Variants in PTPRD observed in about 807,000 individuals in gnomAD.
PTPRD encodes receptor-type tyrosine-protein phosphatase delta.
Under a neutral mutation model 214.5 loss-of-function variants are expected in PTPRD, and 34 were observed. The ratio of observed to expected loss-of-function variants is 0.16; its 90% CI spans 0.12 to 0.21. The LOEUF (loss-of-function observed/expected upper bound fraction) is 0.21, where lower values mean the gene tolerates loss of function less well. Ranked by LOEUF, PTPRD falls within the 10% of genes least tolerant of loss-of-function variation. The pLI is 1.00. For missense variants in PTPRD, 2,545 were observed against 2,398.7 expected (o/e 1.06, Z -1.27); for synonymous variants, 1,128 against 845.7 (o/e 1.33, Z -5.79).
intron 10 of PTPRD, among the ~76,000 whole-genome samples, chr9:9,025,021 C>A (rs2099582287): frequency 6.6e-6 from 1 of 151,924 alleles, no homozygotes; most frequent in South Asian, 2.1e-4. Flanking sequence ...CAATTTGAAT[C>A]AATGTTGCAT....
At chr9:10,146,724 C>CT (rs915040088) in intron 3 of PTPRD, among the ~76,000 whole-genome samples, 5 of 151,900 alleles carry the variant, frequency 3.3e-5, no homozygotes, top group African/African-American at 1.2e-4. Context: ...TACTTTGCTC[C>CT]TTTTTTTGTT....
At position 8,810,639 on chromosome 9, in the gene PTPRD, G is replaced by A. The variant is rs149903058; in HGVS notation, c.-103-76693C>T. Among the ~76,000 whole-genome samples the A allele has an allele frequency of 6.5e-4, 99 of 152,302 alleles. 1 individual carries two copies. The highest frequency in any genetic ancestry group is 2.2e-3 in the African/African-American group (93 of 41,554). ...TCATCACGTCTTTAGTGTTTCAAGAGAAGTAGAGATCTGAATTTTTATTTG... is the reference window on the plus strand; with the variant it reads ...TCATCACGTCTTTAGTGTTTCAAGAAAAGTAGAGATCTGAATTTTTATTTG... On this transcript the variant is annotated intron_variant, in intron 11 of 45. Coordinates refer to ENST00000381196, the MANE Select transcript of PTPRD (RefSeq NM_002839.4).
At chr9:10,402,724 A>G (rs1033835408) in intron 2 of PTPRD, among the ~76,000 whole-genome samples, 2 of 151,672 alleles carry the variant, frequency 1.3e-5, no homozygotes, top group African/African-American at 2.4e-5. Flanking sequence ...AATTTTGTCT[A>G]TCTCTGACAG....
chr9:8,591,502 C>G (rs1594748614), intron 14 of PTPRD, among the ~76,000 whole-genome samples: 1 of 151,948 alleles, frequency 6.6e-6, no homozygotes, highest in South Asian at 2.1e-4. Flanking sequence ...ATTTAATTTT[C>G]AAAAGATAAA....
At position 8,821,274 on chromosome 9, in the gene PTPRD, CCT is replaced by C. The variant is rs148046882; in HGVS notation, c.-103-87330_-103-87329del. On this transcript the variant is annotated intron_variant, in intron 11 of 45. Transcript: ENST00000381196. Reference sequence around the variant, plus strand: ...TGGGTTTGGCCCATGTTTACAGCCACCTCTCTCTCTCTCTGTCTCTCTCTCTC... The same window carrying C: ...TGGGTTTGGCCCATGTTTACAGCCACCTCTCTCTCTCTGTCTCTCTCTCTC... 1.2e-4 allele frequency among the ~76,000 whole-genome samples: 18 copies of C among 150,918 alleles called. No individual in the cohort carries two copies. In the East Asian group the frequency reaches 2.5e-3, roughly 21 times the overall value.
intron 9 of PTPRD, among the ~76,000 whole-genome samples, chr9:9,240,720 C>T (rs906277559): frequency 4.6e-5 from 7 of 152,082 alleles, no homozygotes; most frequent in Non-Finnish European, 8.8e-5. Context: ...GGTAGTAATA[C>T]GAATGTTTCA....
intron 7 of PTPRD, among the ~76,000 whole-genome samples, chr9:9,728,249 G>A (rs1210000684): frequency 6.6e-6 from 1 of 152,100 alleles, no homozygotes; most frequent in African/African-American, 2.4e-5. Flanking sequence ...GTCTTTATCT[G>A]CAGAGTGAAA....
chr9:9,519,325 A>G (rs1223695986), intron 8 of PTPRD, among the ~76,000 whole-genome samples: 1 of 148,936 alleles, frequency 6.7e-6, no homozygotes, highest in East Asian at 2.0e-4. Context: ...TATACAAAGT[A>G]GAAGAAAGAC....
At chr9:10,461,011 C>G (rs1264974477) in intron 2 of PTPRD, among the ~76,000 whole-genome samples, 1 of 151,864 alleles carries the variant, frequency 6.6e-6, no homozygotes, top group Non-Finnish European at 1.5e-5. Context: ...GGGTTAATAT[C>G]CAAGATTTAC....
intron 7 of PTPRD, among the ~76,000 whole-genome samples, chr9:9,682,889 G>C (rs2097101194): frequency 1.3e-5 from 2 of 151,726 alleles, no homozygotes; most frequent in Non-Finnish European, 2.9e-5. Flanking sequence ...GAAAAAGAGA[G>C]TTTTCTGGGT....
At chr9:10,176,071 G>C (rs2099246896) in intron 3 of PTPRD, among the ~76,000 whole-genome samples, 1 of 151,878 alleles carries the variant, frequency 6.6e-6, no homozygotes, top group Non-Finnish European at 1.5e-5. Context: ...TTTATTTGGT[G>C]GAAAATGGTC....
chr9:8,962,064 T>C (rs1299191405), intron 11 of PTPRD: 4 of 152,124 alleles, frequency 2.6e-5, no homozygotes, highest in Admixed American at 2.6e-4. Flanking sequence ...ATCTTTTACA[T>C]TGGAGCATGT....
intron 22 of PTPRD, among the ~76,000 whole-genome samples, chr9:8,505,556 A>T (rs888663710): frequency 6.9e-6 from 1 of 145,054 alleles, no homozygotes; most frequent in Non-Finnish European, 1.5e-5. Context: ...CAGGAGGCAG[A>T]GCTTGCAGTG....
At chr9:8,760,317 T>A (rs958744597) in intron 11 of PTPRD, among the ~76,000 whole-genome samples, 1 of 152,206 alleles carries the variant, frequency 6.6e-6, no homozygotes, top group East Asian at 1.9e-4. Flanking sequence ...TTATAGTATC[T>A]AAACAGATAA....
At chr9:8,567,591 C>T (rs1192514640) in intron 14 of PTPRD, among the ~76,000 whole-genome samples, 1 of 152,126 alleles carries the variant, frequency 6.6e-6, no homozygotes, top group Non-Finnish European at 1.5e-5. Context: ...ACAGTGGCTG[C>T]TCAATATTTT....
chr9:9,322,926 G>A (rs188554999), intron 9 of PTPRD, among the ~76,000 whole-genome samples: 14 of 152,184 alleles, frequency 9.2e-5, no homozygotes, highest in African/African-American at 3.4e-4. Context: ...ATTTACTTGA[G>A]TTAAATGATT....
At chr9:9,036,019 G>A (rs1159920526) in intron 10 of PTPRD, among the ~76,000 whole-genome samples, 5 of 151,992 alleles carry the variant, frequency 3.3e-5, no homozygotes, top group Non-Finnish European at 7.4e-5. Context: ...TTCAACTAAT[G>A]TGCCTACCTC....
chr9:8,395,572 T>C (rs1211561158), intron 36 of PTPRD, among the ~76,000 whole-genome samples: 1 of 152,108 alleles, frequency 6.6e-6, no homozygotes, highest in Admixed American at 6.6e-5. Context: ...CAGTCTATTG[T>C]TTGCCAGGGT....
intron 5 of PTPRD, among the ~76,000 whole-genome samples, chr9:9,849,018 A>C (rs1408387473): frequency 6.6e-6 from 1 of 151,646 alleles, no homozygotes; most frequent in African/African-American, 2.4e-5. Flanking sequence ...TACCCGAAAA[A>C]CAGGGTGTGT....
Sources: gnomAD v4.1 joint callset for allele counts (sites outside exome capture counted in the v4.1 genomes callset) on GRCh38, gnomAD v4.1.1 for gene constraint, MANE v1.5 for transcripts, NCBI Gene and HGNC (gene_info 2026-07-23, HGNC 2026-07-21) for gene names.